The following OSBPL11 variants were observed in gnomAD, a reference collection of about 807,000 sequenced individuals.
The protein encoded by OSBPL11 is oxysterol-binding protein-related protein 11.
A neutral mutation model predicts 84.4 loss-of-function variants in OSBPL11; 33 were observed. The ratio of observed to expected loss-of-function variants is 0.39; its 90% confidence interval spans 0.30 to 0.52. The LOEUF is 0.52. Among genes scored for constraint, OSBPL11 ranks in the 20% least tolerant of loss-of-function variants. The pLI, the probability that OSBPL11 is intolerant of heterozygous loss-of-function variation, is 0.72. For synonymous variants in OSBPL11, 276 were observed against 310.2 expected, an observed-to-expected ratio of 0.89 and a Z score of 1.16; for missense variants, 736 against 901.1, an observed-to-expected ratio of 0.82 and a Z score of 2.35.
At chr3:125,579,342 T>G (rs1427946997) in intron 3 of OSBPL11, among the ~76,000 whole-genome samples, 1 of 152,216 alleles carries the variant, frequency 6.6e-6, no homozygotes, top group East Asian at 1.9e-4. Flanking sequence ...CCTTAATTAT[T>G]TGATGTATAA....
chr3:125,576,170 G>T lies in OSBPL11; in HGVS notation c.666+19C>A. 1.3e-6 allele frequency: 2 copies of T among 1,584,464 alleles called. No homozygotes were observed. Among genetic ancestry groups the T allele is most frequent in the South Asian group, 1.2e-5 (1 of 85,956 alleles). On this transcript the variant is annotated intron_variant, in intron 5 of 12. Transcript: ENST00000296220. ...AAAATCATTTTGTGCATTTTAACTT[G>T]ACTTTAATTCATACTTACTTCTCTG... is the stretch of plus-strand genomic sequence containing the variant.
rs1454699819 is a variant in OSBPL11, at chr3:125,532,586, A to C, written c.2025-572T>G. On this transcript the variant is annotated intron_variant, in intron 11 of 12. Coordinates refer to ENST00000296220, the MANE Select transcript of OSBPL11 (RefSeq NM_022776.5). ...CTTAACAAATCTCAAGCAAAAAAAA[A>C]AAAAAACAAAAAAAAACTGCCACAA... Among the ~76,000 whole-genome samples the C allele has an allele frequency of 3.3e-5, 5 of 150,518 alleles. No homozygotes were observed. In the South Asian group the frequency reaches 8.4e-4, roughly 25 times the overall value.
chr3:125,579,817 C>CA (rs765517428), intron 3 of OSBPL11, 48 bp downstream of exon 3: 116 of 1,578,230 alleles, frequency 7.4e-5, no homozygotes, highest in Non-Finnish European at 2.4e-5. Context: ...ACCAACTTCT[C>CA]AAAAAAAGAG....
intron 1 of OSBPL11, among the ~76,000 whole-genome samples, chr3:125,590,198 A>T (rs1362556776): frequency 1.3e-5 from 2 of 152,236 alleles, no homozygotes; most frequent in Admixed American, 1.3e-4. Flanking sequence ...ATGAATATAA[A>T]TTACTCTGGA....
intron 11 of OSBPL11, among the ~76,000 whole-genome samples, chr3:125,535,078 T>C (rs1935621557): frequency 6.8e-6 from 1 of 147,952 alleles, no homozygotes; most frequent in East Asian, 2.0e-4. Context: ...GAAGCCAAAA[T>C]CTGGTTTTTT....
chr3:125,539,495 G>A (rs1193967364), intron 10 of OSBPL11, among the ~76,000 whole-genome samples: 3 of 151,840 alleles, frequency 2.0e-5, no homozygotes, highest in African/African-American at 7.3e-5. Context: ...AGGCTGGAGT[G>A]CAGTGGTGTG....
chr3:125,543,278 C>T (rs912339174), intron 10 of OSBPL11, among the ~76,000 whole-genome samples: 3 of 151,110 alleles, frequency 2.0e-5, no homozygotes, highest in Non-Finnish European at 3.0e-5. Flanking sequence ...ATTACAGGTG[C>T]GTGCCACCAT....
intron 2 of OSBPL11, among the ~76,000 whole-genome samples, chr3:125,581,685 G>C (rs1231353016): frequency 8.8e-6 from 1 of 113,292 alleles, no homozygotes; most frequent in Non-Finnish European, 1.6e-5. Flanking sequence ...GACAGAGTGA[G>C]ACTCCATCTC....
At position 125,594,732 on chromosome 3, in the gene OSBPL11, G is replaced by C; in HGVS notation, c.69C>G (p.Ala23=). The part of the protein sequence containing the change: ...SESEGKLEGQ[A]TAVTPNKNSS... Reference sequence around the variant, plus strand: ...TGTTCTTGTTCGGGGTCACCGCTGTGGCCTGGCCCTCCAGCTTTCCTTCGC... The same window carrying C: ...TGTTCTTGTTCGGGGTCACCGCTGTCGCCTGGCCCTCCAGCTTTCCTTCGC... Residue 23 remains alanine (A), a synonymous_variant, in exon 1 of 13, where the codon GCC becomes GCG. Coordinates refer to ENST00000296220, the MANE Select transcript of OSBPL11 (RefSeq NM_022776.5). 1 of 1,614,168 alleles carries C rather than the reference G, an allele frequency of 6.2e-7. No individual in the cohort carries two copies. The highest frequency in any genetic ancestry group is 8.5e-7 in the Non-Finnish European group (1 of 1,180,036).
Position 125,578,975 on chromosome 3 carries a change from A to G in OSBPL11, c.474T>C (p.Thr158=). 1 of 1,572,030 alleles carries G rather than the reference A, an allele frequency of 6.4e-7. No homozygotes were observed. Among genetic ancestry groups the G allele is most frequent in the Non-Finnish European group, 8.6e-7 (1 of 1,157,338 alleles). The change falls in exon 4 of 13, where the codon ACT becomes ACC. Residue 158 remains threonine, a synonymous_variant. Transcript: ENST00000296220. The stretch of plus-strand genomic sequence containing the variant: ...ATCTACATACCTTTCCAATAGCTTC[A>G]GTATGATGCTGTGTACATATCTGAA... ...SRLQICTQHH[T]EAIGKNNPPL...
chr3:125,578,946 A>G lies in OSBPL11; in HGVS notation c.489+14T>C. On this transcript the variant is annotated intron_variant, in intron 4 of 12. Coordinates refer to ENST00000296220, the MANE Select transcript of OSBPL11 (RefSeq NM_022776.5). The stretch of plus-strand genomic sequence containing the variant: ...TCATTTTTGTATATTAATATTGTAT[A>G]TAAATCTACATACCTTTCCAATAGC... 2.0e-6 allele frequency: 3 copies of G among 1,480,652 alleles called. No homozygotes were observed. Among genetic ancestry groups the G allele is most frequent in the Middle Eastern group, 2.1e-4 (1 of 4,654 alleles). The allele number at this position is 1,480,652 out of a possible 1,614,324, so 91.7% of individuals were successfully genotyped here. A position where few individuals can be genotyped will look rare whatever the true frequency, so the allele number is the denominator to read the frequency against.
intron 9 of OSBPL11, among the ~76,000 whole-genome samples, chr3:125,550,211 C>T (rs1935879638): frequency 6.6e-6 from 1 of 151,754 alleles, no homozygotes; most frequent in African/African-American, 2.4e-5. Flanking sequence ...CTCATCTTTA[C>T]AAAAAATACA....
chr3:125,585,903 A>G (rs1936503361), intron 1 of OSBPL11, among the ~76,000 whole-genome samples: 1 of 152,192 alleles, frequency 6.6e-6, no homozygotes, highest in South Asian at 2.1e-4. Context: ...GTTACTACAC[A>G]GTATCTCTAA....
intron 10 of OSBPL11, among the ~76,000 whole-genome samples, chr3:125,545,889 AG>A (rs1935806155): frequency 6.6e-6 from 1 of 152,170 alleles, no homozygotes; most frequent in Admixed American, 6.6e-5. Context: ...TGCAGAGAGC[AG>A]TTAAAAAAAC....
At chr3:125,584,438 A>G (rs983539522) in intron 1 of OSBPL11, among the ~76,000 whole-genome samples, 2 of 152,188 alleles carry the variant, frequency 1.3e-5, no homozygotes, top group Admixed American at 1.3e-4. Flanking sequence ...CATAATCTGA[A>G]TATTTGCTTA....
chr3:125,584,421 G>C (rs1256261871), intron 1 of OSBPL11, among the ~76,000 whole-genome samples: 1 of 152,080 alleles, frequency 6.6e-6, no homozygotes, highest in Non-Finnish European at 1.5e-5. Flanking sequence ...ATTCTGTCCA[G>C]TTGCTCCATA....
At chr3:125,561,034 GC>G (rs1481449734) in intron 7 of OSBPL11, among the ~76,000 whole-genome samples, 1 of 151,732 alleles carries the variant, frequency 6.6e-6, no homozygotes, top group East Asian at 1.9e-4. Flanking sequence ...ACAGGGTCTT[GC>G]TCTGTTGCCT....
At chr3:125,591,058 GATGTGA>G (rs1428746296) in intron 1 of OSBPL11, among the ~76,000 whole-genome samples, 2 of 152,176 alleles carry the variant, frequency 1.3e-5, no homozygotes, top group Non-Finnish European at 1.5e-5. Context: ...TGTGATAACA[GATGTGA>G]AAACATTCTG....
intron 1 of OSBPL11, among the ~76,000 whole-genome samples, chr3:125,593,554 AG>A (rs1287106070): frequency 6.6e-6 from 1 of 150,776 alleles, no homozygotes; most frequent in East Asian, 2.0e-4. Context: ...CAGGAGGTGG[AG>A]GTGGTAGTGA....
Sources: gnomAD v4.1 joint callset for allele counts (sites outside exome capture counted in the v4.1 genomes callset) on GRCh38, gnomAD v4.1.1 for gene constraint, MANE v1.5 for transcripts, NCBI Gene and HGNC (gene_info 2026-07-23, HGNC 2026-07-21) for gene names.